RHBDD1: variants seen among roughly 807,000 people sequenced by gnomAD.
RHBDD1 encodes the protein rhomboid domain containing 1, also known as rhomboid-related protein 4.
In RHBDD1, 38 loss-of-function variants were observed where a neutral mutation model predicts 36.3. That is an observed-to-expected ratio of 1.05 (90% CI 0.81 to 1.37). RHBDD1 has a LOEUF of 1.37. Among genes scored for constraint, RHBDD1 ranks in the 40% most tolerant of loss-of-function variants. The pLI is 0.00. For synonymous variants in RHBDD1, 151 were observed against 136.5 expected (o/e 1.11, Z -0.74); for missense variants, 393 against 377.6 (o/e 1.04, Z -0.34).
chr2:226,905,376 A>G (rs1947966759), intron 5 of RHBDD1, among the ~76,000 whole-genome samples: 1 of 152,022 alleles, frequency 6.6e-6, no homozygotes, highest in Admixed American at 6.6e-5. Flanking sequence ...CTGGGGTGGC[A>G]TTTTTTGACA....
At chr2:226,830,832 C>A (rs890455544), upstream of RHBDD1, among the ~76,000 whole-genome samples, 1 of 152,166 alleles carries the variant, frequency 6.6e-6, no homozygotes, top group African/African-American at 2.4e-5. Context: ...GCCACTGTGC[C>A]TGCCTTATTT....
rs543446045 is a variant in RHBDD1, at chr2:226,925,446, TACA to T, written c.856+11099_856+11101del. On this transcript the variant is annotated intron_variant, in intron 8 of 8. Coordinates refer to ENST00000392062, the MANE Select transcript of RHBDD1 (RefSeq NM_001167608.3). Reference sequence around the variant, plus strand: ...AAATTTAGTGGCATGAAAATATGATTACAACATAATTGCTGAATGAAAAAACGT... The same window carrying T: ...AAATTTAGTGGCATGAAAATATGATTACATAATTGCTGAATGAAAAAACGT... 2.3e-3 allele frequency among the ~76,000 whole-genome samples: 352 copies of T among 152,242 alleles called. 3 individuals are homozygous for T. The highest frequency in any genetic ancestry group is 8.0e-3 in the African/African-American group (332 of 41,544).
chr2:226,931,814 T>C (rs1275189777), intron 8 of RHBDD1, among the ~76,000 whole-genome samples: 1 of 152,050 alleles, frequency 6.6e-6, no homozygotes, highest in East Asian at 1.9e-4. Context: ...TTACTTTGGG[T>C]ATTCTAGATC....
In RHBDD1 at chr2:226,862,948, T is replaced by A. The variant is rs148837677; in HGVS notation, c.-90-1656T>A. ...GGCAGGAACTAATAAGAGTGAGAAC[T>A]CACTCATCCCCTGACCCCAGGGAGG... On this transcript the variant is annotated intron_variant, in intron 3 of 8. Coordinates refer to ENST00000392062, the MANE Select transcript of RHBDD1 (RefSeq NM_001167608.3). 3.9e-4 allele frequency among the ~76,000 whole-genome samples: 59 copies of A among 152,270 alleles called. No homozygotes were observed. In the East Asian group the frequency reaches 0.011, roughly 29 times the overall value.
At chr2:226,919,080 C>A (rs897943373) in intron 8 of RHBDD1, among the ~76,000 whole-genome samples, 1 of 151,996 alleles carries the variant, frequency 6.6e-6, no homozygotes, top group African/African-American at 2.4e-5. Flanking sequence ...TATTGAGAAC[C>A]TTTTCATATG....
At chr2:226,941,476 A>G (rs549338330) in intron 8 of RHBDD1, among the ~76,000 whole-genome samples, 4 of 152,172 alleles carry the variant, frequency 2.6e-5, no homozygotes, top group African/African-American at 9.7e-5. Flanking sequence ...GTGTGTTAAC[A>G]CTTGTTATAT....
intron 8 of RHBDD1, among the ~76,000 whole-genome samples, chr2:226,986,370 G>A (rs542830275): frequency 2.0e-5 from 3 of 152,216 alleles, no homozygotes; most frequent in African/African-American, 4.8e-5. Flanking sequence ...TCTTAGTTTC[G>A]ACAAATGTAC....
the RHBDD1 span, among the ~76,000 whole-genome samples, chr2:226,826,200 G>C: frequency 9.9e-5 from 15 of 152,190 alleles, no homozygotes; most frequent in Non-Finnish European, 1.6e-4. Context: ...ATAGGAAATA[G>C]AATGATCTAT....
At chr2:226,964,217 A>G (rs1055749887) in intron 8 of RHBDD1, among the ~76,000 whole-genome samples, 1 of 152,148 alleles carries the variant, frequency 6.6e-6, no homozygotes, top group Non-Finnish European at 1.5e-5. Context: ...TTCAACTTTG[A>G]ATCTTGCCTC....
At chr2:226,822,747 T>C in the RHBDD1 span, among the ~76,000 whole-genome samples, 1 of 151,912 alleles carries the variant, frequency 6.6e-6, no homozygotes, top group African/African-American at 2.4e-5. Flanking sequence ...TAATCCTCAA[T>C]GTGTTGTTTC....
At chr2:226,815,134 A>T in the RHBDD1 span, among the ~76,000 whole-genome samples, 1 of 152,346 alleles carries the variant, frequency 6.6e-6, no homozygotes, top group East Asian at 1.9e-4. Context: ...TAAAGTGCGC[A>T]CATCTGATCA....
rs184391333 is a variant in RHBDD1, at chr2:226,948,941, T to C, written c.856+34590T>C. Among the ~76,000 whole-genome samples, 197 of 152,302 alleles carry C rather than the reference T, an allele frequency of 1.3e-3. 1 individual carries two copies. Among genetic ancestry groups the C allele is most frequent in the African/African-American group, 4.4e-3 (184 of 41,570 alleles). ...AAGCTGATAAGCAACTTTAGCCAAG[T>C]CTCAGGATACAAAAATCAATGTGCA... On this transcript the variant is annotated intron_variant, in intron 8 of 8. Transcript: ENST00000392062.
intron 8 of RHBDD1, among the ~76,000 whole-genome samples, chr2:226,933,412 G>A (rs1424865415): frequency 1.3e-5 from 2 of 152,124 alleles, no homozygotes; most frequent in African/African-American, 4.8e-5. Context: ...TGTGAGACCA[G>A]ATGAGGTTCT....
chr2:226,932,423 G>A (rs1950079178), intron 8 of RHBDD1, among the ~76,000 whole-genome samples: 2 of 152,042 alleles, frequency 1.3e-5, no homozygotes, highest in Non-Finnish European at 2.9e-5. Context: ...AATTACCTGT[G>A]ATAATTATGA....
intron 5 of RHBDD1, among the ~76,000 whole-genome samples, chr2:226,883,856 C>G (rs1435111588): frequency 1.3e-5 from 2 of 152,102 alleles, no homozygotes; most frequent in Non-Finnish European, 2.9e-5. Context: ...CTGTATTTTA[C>G]AGGAAAAGGG....
chr2:226,990,346 A>C (rs1957914963), intron 8 of RHBDD1, among the ~76,000 whole-genome samples: 1 of 152,204 alleles, frequency 6.6e-6, no homozygotes, highest in South Asian at 2.1e-4. Context: ...CCCTCATCTG[A>C]CAATAGAAAT....
At chr2:226,837,251 G>A (rs16822728) in intron 1 of RHBDD1, among the ~76,000 whole-genome samples, 5,483 of 152,272 alleles carry the variant, frequency 0.036, 340 homozygotes, top group African/African-American at 0.13. Flanking sequence ...CCTCAAAGAT[G>A]TTATTAAGTA....
At chr2:226,980,010 G>T (rs1166108717) in intron 8 of RHBDD1, among the ~76,000 whole-genome samples, 1 of 152,184 alleles carries the variant, frequency 6.6e-6, no homozygotes, top group South Asian at 2.1e-4. Flanking sequence ...TGTCAAGGAA[G>T]ACTCTAGGGT....
chr2:226,885,378 T>G (rs1349360960), intron 5 of RHBDD1, among the ~76,000 whole-genome samples: 3 of 152,144 alleles, frequency 2.0e-5, no homozygotes, highest in Non-Finnish European at 4.4e-5. Context: ...TATCAGCATA[T>G]GTATTGTAAT....
Sources: allele counts gnomAD v4.1 joint callset (sites outside exome capture counted in the v4.1 genomes callset), GRCh38; gene constraint gnomAD v4.1.1; transcripts MANE v1.5; gene names NCBI Gene and HGNC (gene_info 2026-07-23, HGNC 2026-07-21).